Variants in KDM5A observed in about 807,000 individuals in gnomAD.
KDM5A encodes the protein lysine-specific demethylase 5A.
A neutral mutation model predicts 193.5 loss-of-function variants in KDM5A; 42 were observed. The observed-to-expected ratio is 0.22, with a 90% CI of 0.17 to 0.28. The LOEUF (loss-of-function observed/expected upper bound fraction) is 0.28, where lower values mean the gene tolerates loss of function less well. Among genes scored for constraint, KDM5A ranks in the 10% least tolerant of loss-of-function variants. The pLI is 1.00. For missense variants in KDM5A, 1,692 were observed against 2,055.1 expected (o/e 0.82, Z 3.42); for synonymous variants, 796 against 718.1 (o/e 1.11, Z -1.73).
In KDM5A at chr12:292,798, C is replaced by G. The variant is rs1396144463; in HGVS notation, c.4827G>C (p.Val1609=). 16 of 1,614,200 alleles carry G rather than the reference C, an allele frequency of 9.9e-6. No individual in the cohort carries two copies. Among genetic ancestry groups the G allele is most frequent in the Non-Finnish European group, 1.2e-5 (14 of 1,180,020 alleles). The change falls in exon 27 of 28, where the codon GTG becomes GTC. Residue 1609 remains valine (V), a synonymous_variant. Transcript: ENST00000399788. ...GAEESDDENA[V]CAAQNCQRPC... ...GCCTTTGGCAGTTCTGTGCTGCGCA[C>G]ACAGCATTCTCATCATCAGACTCCT...
intron 14 of KDM5A, among the ~76,000 whole-genome samples, chr12:327,842 A>G (rs555486814): frequency 3.3e-4 from 51 of 152,356 alleles, no homozygotes; most frequent in African/African-American, 1.2e-3. Context: ...GCAAGGCTCC[A>G]CCACTACGAA....
chr12:323,497 G>A, intron 15 of KDM5A, 103 bp downstream of exon 15: 1 of 1,208,248 alleles, frequency 8.3e-7, no homozygotes, highest in South Asian at 1.3e-5. Flanking sequence ...GTGAAGTTTA[G>A]AAGTCCAGAG....
rs548136048 is a variant in KDM5A, at chr12:303,284, T to C, written c.4074+3662A>G. Among the ~76,000 whole-genome samples, 52 of 152,250 alleles carry C rather than the reference T, an allele frequency of 3.4e-4. No homozygotes were observed. In the South Asian group the frequency reaches 6.4e-3, roughly 19 times the overall value. ...GCCCAAATGCCCACCAATGATAGAA[T>C]AGATGAAGAAAATGCAGCACATATA... On this transcript the variant is annotated intron_variant, in intron 24 of 27. Coordinates refer to ENST00000399788, the MANE Select transcript of KDM5A (RefSeq NM_001042603.3).
intron 10 of KDM5A, among the ~76,000 whole-genome samples, chr12:344,201 G>A (rs185922936): frequency 2.8e-4 from 42 of 152,128 alleles, no homozygotes; most frequent in African/African-American, 9.2e-4. Context: ...TAAAGTGAGA[G>A]GACAAGGTTA....
At chr12:343,005 G>A (rs959380339) in intron 10 of KDM5A, among the ~76,000 whole-genome samples, 2 of 152,172 alleles carry the variant, frequency 1.3e-5, no homozygotes, top group Admixed American at 1.3e-4. Context: ...GGGGTCAGAG[G>A]ATTTCCCTTT....
chr12:363,978 T>C (rs1487504112), intron 4 of KDM5A, among the ~76,000 whole-genome samples: 2 of 151,688 alleles, frequency 1.3e-5, no homozygotes, highest in African/African-American at 4.8e-5. Flanking sequence ...AATATGAAAA[T>C]AGGCACATCA....
chr12:310,651 C>T (rs918094370), intron 21 of KDM5A, among the ~76,000 whole-genome samples: 8 of 151,922 alleles, frequency 5.3e-5, no homozygotes, highest in East Asian at 1.9e-4. Flanking sequence ...CAGAACAAAA[C>T]GATTTCAATG....
At chr12:357,827 C>CAAAAAAAAAAAAAAAAAAAAAAAAA (rs61577928) in intron 5 of KDM5A, among the ~76,000 whole-genome samples, 2 of 29,866 alleles carry the variant, frequency 6.7e-5, no homozygotes, top group African/African-American at 4.0e-4. Flanking sequence ...GACTCAGTCT[C>CAAAAAAAAAAAAAAAAAAAAAAAAA]AAAAAAAAAA....
rs16929137 is a variant in KDM5A at position 280,516 on chromosome 12, T to C, written c.*4940A>G. 5.5e-3 allele frequency: 1,285 copies of C among 233,128 alleles called. 40 individuals are homozygous for C. The East Asian group carries it at 0.069, about 13-fold the overall frequency. 14.4% of individuals were successfully genotyped at this position (233,128 alleles called of 1,614,324 possible). ...TACACATACAGAGTTACACATTTCA[T>C]GAAACTGAGGCCAAGTCCACTGCAA... On this transcript the variant is annotated 3_prime_UTR_variant, in exon 28 of 28. Transcript: ENST00000399788.
chr12:383,008 T>C (rs1037053301), intron 3 of KDM5A, among the ~76,000 whole-genome samples: 10 of 151,944 alleles, frequency 6.6e-5, no homozygotes, highest in African/African-American at 2.4e-4. Flanking sequence ...TTTTTTCACA[T>C]TAGGGAATAT....
intron 10 of KDM5A, among the ~76,000 whole-genome samples, chr12:347,169 C>G (rs1253910066): frequency 6.6e-6 from 1 of 152,052 alleles, no homozygotes; most frequent in Non-Finnish European, 1.5e-5. Context: ...ACAATTGCTA[C>G]AAAGAGAATA....
Position 281,901 on chromosome 12 carries a change from A to G in KDM5A, c.*3555T>C, listed in dbSNP as rs1297383547. The G allele has an allele frequency of 7.0e-6, 2 of 284,730 alleles. No homozygotes were observed. Among genetic ancestry groups the G allele is most frequent in the African/African-American group, 2.2e-5 (1 of 46,006 alleles). 17.6% of individuals were successfully genotyped at this position (284,730 alleles called of 1,614,324 possible). ...CAGAACCCAAAAATTAAGAAATTCAAAAAGACATTTTGTGGGCACCTGCTA... is the reference window on the plus strand; with the variant it reads ...CAGAACCCAAAAATTAAGAAATTCAGAAAGACATTTTGTGGGCACCTGCTA... On this transcript the variant is annotated 3_prime_UTR_variant, in exon 28 of 28. Coordinates refer to ENST00000399788, the MANE Select transcript of KDM5A (RefSeq NM_001042603.3).
intron 10 of KDM5A, among the ~76,000 whole-genome samples, chr12:336,761 G>A (rs1463240464): frequency 2.0e-5 from 3 of 151,768 alleles, no homozygotes; most frequent in Non-Finnish European, 4.4e-5. Context: ...CTTGAACCCA[G>A]GAGGTGGAGG....
chr12:311,224 T>C (rs956329755), intron 20 of KDM5A, 160 bp from the exon 21 acceptor site: 7 of 673,168 alleles, frequency 1.0e-5, no homozygotes, highest in Non-Finnish European at 1.8e-5. Flanking sequence ...CAATGTCCTA[T>C]TTTTTAAAGT....
chr12:389,113 G>A lies in KDM5A; in HGVS notation c.-22C>T, dbSNP rs762367916. The A allele has an allele frequency of 6.9e-6, 11 of 1,584,426 alleles. No homozygotes were observed. The East Asian group carries it at 2.3e-4, about 32-fold the overall frequency. ...CCATTGCAACGGCCGGGGGGGGGGG[G>A]GGGTCCCCGTGGGGAACCGGTGGAG... On this transcript the variant is annotated 5_prime_UTR_variant, in exon 1 of 28. Coordinates refer to ENST00000399788, the MANE Select transcript of KDM5A (RefSeq NM_001042603.3).
chr12:378,628 C>A (rs1425727697), intron 3 of KDM5A, among the ~76,000 whole-genome samples: 1 of 152,158 alleles, frequency 6.6e-6, no homozygotes, highest in African/African-American at 2.4e-5. Flanking sequence ...ACAAGAAGGG[C>A]TAGACTGAAT....
chr12:355,922 G>T (rs1463421376), intron 6 of KDM5A, among the ~76,000 whole-genome samples: 1 of 152,192 alleles, frequency 6.6e-6, no homozygotes, highest in Non-Finnish European at 1.5e-5. Context: ...ATCTTTGCAT[G>T]AGCAGTCCTA....
At position 334,356 on chromosome 12, in the gene KDM5A, T is replaced by C; in HGVS notation, c.1375A>G (p.Ile459Val). The change falls in exon 11 of 28, where the codon ATT (isoleucine) becomes GTT (valine). Residue 459 changes from isoleucine to valine, a missense_variant. Coordinates refer to ENST00000399788, the MANE Select transcript of KDM5A (RefSeq NM_001042603.3). ...TTCATACCAGAGATGTCCACATTAA[T>C]ATGTGCAAGAACAGACTGTTCCAGG... ...PVLEQSVLAH[I>V]NVDISGMKVP... is the part of the protein sequence containing the mutation. 2 of 1,613,782 alleles carry C rather than the reference T, an allele frequency of 1.2e-6. No individual in the cohort carries two copies. The highest frequency in any genetic ancestry group is 1.1e-5 in the South Asian group (1 of 91,080).
At chr12:319,646 T>C (rs891159625) in intron 18 of KDM5A, among the ~76,000 whole-genome samples, 2 of 151,900 alleles carry the variant, frequency 1.3e-5, no homozygotes, top group African/African-American at 4.8e-5. Flanking sequence ...ACCAGCAACT[T>C]GGGAGGCTGA....
Sources: allele counts gnomAD v4.1 joint callset (sites outside exome capture counted in the v4.1 genomes callset), GRCh38; gene constraint gnomAD v4.1.1; transcripts MANE v1.5; gene names NCBI Gene and HGNC (gene_info 2026-07-23, HGNC 2026-07-21).